PCDHGA10: variants seen among roughly 807,000 people sequenced by gnomAD.
The protein encoded by PCDHGA10 is protocadherin gamma-A10.
A neutral mutation model predicts 59.5 loss-of-function variants in PCDHGA10; 42 were observed. The ratio of observed to expected loss-of-function variants is 0.71; its 90% confidence interval spans 0.55 to 0.91. The LOEUF is 0.91. Ranked by LOEUF, PCDHGA10 falls within the 40% of genes least tolerant of loss-of-function variation. The probability of loss-of-function intolerance (pLI) is 0.00; values close to 1 mark genes in which losing one functional copy is unlikely to be tolerated. For synonymous variants in PCDHGA10, 511 were observed against 517.2 expected, an observed-to-expected ratio of 0.99 and a Z score of 0.16; for missense variants, 1,111 against 1,198.2, an observed-to-expected ratio of 0.93 and a Z score of 1.07.
chr5:141,484,647 G>C (rs556711906), intron 1 of PCDHGA10, among the ~76,000 whole-genome samples: 1 of 151,948 alleles, frequency 6.6e-6, no homozygotes, highest in African/African-American at 2.4e-5. Context: ...CTCTCCAATG[G>C]CTACTCTCCC....
chr5:141,462,268 A>C (rs982301403), intron 1 of PCDHGA10, among the ~76,000 whole-genome samples: 3 of 152,196 alleles, frequency 2.0e-5, no homozygotes, highest in African/African-American at 7.2e-5. Flanking sequence ...CCTAAAGTGT[A>C]TTGTTTAGTC....
chr5:141,476,716 C>T lies in PCDHGA10; in HGVS notation c.2437-18091C>T. On this transcript the variant is annotated intron_variant, in intron 1 of 3. Transcript: ENST00000398610. This position sits in a 1 kb window ranked among gnomAD's most constrained non-coding sequence, Gnocchi z 7.6. ...AGTACGCGGAGCTGGTGTTGGAGCG[C>T]GCCCTGGACCGAGAACGGGAGCCTA... 15 of 1,614,148 alleles carry T rather than the reference C, an allele frequency of 9.3e-6. No homozygotes were observed. The highest frequency in any genetic ancestry group is 1.3e-5 in the Non-Finnish European group (15 of 1,180,036).
At chr5:141,428,792 T>A (rs1590880161) in intron 1 of PCDHGA10, 1 of 152,978 alleles carries the variant, frequency 6.5e-6, no homozygotes, top group Middle Eastern at 3.4e-3. Flanking sequence ...TTCCTTTCTG[T>A]GTGGGCCAGT....
intron 1 of PCDHGA10, chr5:141,418,974 G>C (rs754074516): frequency 1.0e-4 from 167 of 1,613,818 alleles, no homozygotes; most frequent in Non-Finnish European, 1.4e-4. Flanking sequence ...TTCAAAACAC[G>C]GGACCAAGAC....
intron 3 of PCDHGA10, among the ~76,000 whole-genome samples, chr5:141,510,591 A>G (rs1050708244): frequency 6.6e-6 from 1 of 152,176 alleles, no homozygotes; most frequent in Non-Finnish European, 1.5e-5. Flanking sequence ...TACCTGACAT[A>G]CATTTTCTTA....
At chr5:141,460,981 GTGTATATA>G (rs1342006423) in intron 1 of PCDHGA10, among the ~76,000 whole-genome samples, 30 of 121,890 alleles carry the variant, frequency 2.5e-4, no homozygotes, top group African/African-American at 5.8e-4. Flanking sequence ...GTGTGTGTGT[GTGTATATA>G]TATATATGTG....
chr5:141,441,867 G>T, intron 1 of PCDHGA10: 1 of 345,800 alleles, frequency 2.9e-6, no homozygotes, highest in Non-Finnish European at 5.6e-6. Flanking sequence ...ACGCCGCGGA[G>T]CCTGGCTACC....
intron 1 of PCDHGA10, chr5:141,419,557 G>T: frequency 2.5e-6 from 4 of 1,611,872 alleles, no homozygotes; most frequent in Middle Eastern, 1.7e-4. Context: ...TGTACCCTGC[G>T]CTGGGTCCCG....
intron 3 of PCDHGA10, among the ~76,000 whole-genome samples, chr5:141,507,617 C>T (rs1366723844): frequency 6.6e-6 from 1 of 152,278 alleles, no homozygotes; most frequent in African/African-American, 2.4e-5. Context: ...GTATATTTAG[C>T]TGTTGTGGCC....
At chr5:141,492,063 C>T in intron 1 of PCDHGA10, 1 of 481,160 alleles carries the variant, frequency 2.1e-6, no homozygotes, top group African/African-American at 2.0e-5. Flanking sequence ...CAGCCAGCCT[C>T]CTAGGCGCCG....
In PCDHGA10 at chr5:141,431,339, T is replaced by A. The variant is rs1374646530; in HGVS notation, c.2436+15728T>A. 7.4e-6 allele frequency: 12 copies of A among 1,613,942 alleles called. No homozygotes were observed. In the Admixed American group the frequency reaches 1.2e-4, roughly 16 times the overall value. ...AGCCGACGGTAGTAAGTACCCCGAA[T>A]TGGTGCTGAAACGCGCCCTGGACCG... On this transcript the variant is annotated intron_variant, in intron 1 of 3. Coordinates refer to ENST00000398610, the MANE Select transcript of PCDHGA10 (RefSeq NM_018913.3). This position sits in a 1 kb window ranked among gnomAD's most constrained non-coding sequence, Gnocchi z 4.8.
Position 141,477,102 on chromosome 5 carries a change from C to T in PCDHGA10, c.2437-17705C>T. 2.5e-6 allele frequency: 4 copies of T among 1,614,232 alleles called. No homozygotes were observed. The South Asian group carries it at 4.4e-5, about 18-fold the overall frequency. On this transcript the variant is annotated intron_variant, in intron 1 of 3. Coordinates refer to ENST00000398610, the MANE Select transcript of PCDHGA10 (RefSeq NM_018913.3). This position sits in a 1 kb window ranked among gnomAD's most constrained non-coding sequence, Gnocchi z 4.9. Reference sequence around the variant, plus strand: ...TACATCCAGGCCAAAGACAAGGGCGCCAATCCCGAAGGAGCACATTGCAAA... The same window carrying T: ...TACATCCAGGCCAAAGACAAGGGCGTCAATCCCGAAGGAGCACATTGCAAA...
At chr5:141,418,742 G>GA in intron 1 of PCDHGA10, 1 of 1,613,896 alleles carries the variant, frequency 6.2e-7, no homozygotes, top group Non-Finnish European at 8.5e-7. Flanking sequence ...GTTCTCTCTG[G>GA]ATTACACTAC....
intron 1 of PCDHGA10, among the ~76,000 whole-genome samples, chr5:141,482,767 A>G (rs2099572087): frequency 6.6e-6 from 1 of 150,474 alleles, no homozygotes; most frequent in East Asian, 1.9e-4. Flanking sequence ...TTTCATTATC[A>G]CTGAACCTTA....
At chr5:141,483,207 A>G (rs1225621725) in intron 1 of PCDHGA10, among the ~76,000 whole-genome samples, 1 of 152,224 alleles carries the variant, frequency 6.6e-6, no homozygotes, top group African/African-American at 2.4e-5. Context: ...TATTCCATAT[A>G]GATGACAGTC....
At chr5:141,454,557 C>T (rs191373514) in intron 1 of PCDHGA10, among the ~76,000 whole-genome samples, 8 of 152,160 alleles carry the variant, frequency 5.3e-5, no homozygotes, top group Admixed American at 5.2e-4. Flanking sequence ...CAGGCATGTG[C>T]CACCACGCCC....
intron 1 of PCDHGA10, chr5:141,424,133 T>C: frequency 2.2e-6 from 1 of 450,350 alleles, no homozygotes; most frequent in South Asian, 9.6e-5. Flanking sequence ...GTTGATTTAA[T>C]AGCATGCTCC....
intron 2 of PCDHGA10, among the ~76,000 whole-genome samples, chr5:141,496,839 AG>A (rs2099771805): frequency 1.3e-5 from 2 of 151,484 alleles, no homozygotes; most frequent in African/African-American, 4.9e-5. Context: ...CAGAACTCAT[AG>A]GCTTCCAGAC....
chr5:141,497,374 T>C (rs2099776044), intron 2 of PCDHGA10, among the ~76,000 whole-genome samples: 1 of 152,112 alleles, frequency 6.6e-6, no homozygotes, highest in Non-Finnish European at 1.5e-5. Flanking sequence ...ATGTGTCCTC[T>C]GGGGTGAGCA....
Sources: allele counts gnomAD v4.1 joint callset (sites outside exome capture counted in the v4.1 genomes callset), GRCh38; gene constraint gnomAD v4.1.1; non-coding constraint Gnocchi (gnomAD v3.1); transcripts MANE v1.5; gene names NCBI Gene and HGNC (gene_info 2026-07-23, HGNC 2026-07-21).